The following CEP128 variants were observed in gnomAD, a reference collection of about 807,000 sequenced individuals.
The protein encoded by CEP128 is centrosomal protein 128kDa.
In CEP128, 132 loss-of-function variants were observed where a neutral mutation model predicts 156.7. The observed-to-expected ratio is 0.84, with a 90% confidence interval of 0.73 to 0.97. CEP128 has a LOEUF of 0.97. Ranked by LOEUF, CEP128 falls within the 50% of genes least tolerant of loss-of-function variation. The pLI is 0.00. For missense variants in CEP128, 1,252 were observed against 1,281.9 expected, an observed-to-expected ratio of 0.98 and a Z score of 0.36; for synonymous variants, 469 against 448.9, an observed-to-expected ratio of 1.04 and a Z score of -0.57.
chr14:80,724,380 ATAAT>A lies in CEP128; in HGVS notation c.2806+18691_2806+18694del, dbSNP rs1009783247. On this transcript the variant is annotated intron_variant, in intron 19 of 24. Transcript: ENST00000555265. ...TAGTTCAATACTTAATAATATAATA[ATAAT>A]TAATAATTTATCCAAATAGATACAT... Among the ~76,000 whole-genome samples, 117 of 152,198 alleles carry A rather than the reference ATAAT, an allele frequency of 7.7e-4. 1 individual carries two copies. The highest frequency in any genetic ancestry group is 2.6e-3 in the African/African-American group (108 of 41,560).
chr14:80,622,868 A>G, intron 19 of CEP128, among the ~76,000 whole-genome samples: 1 of 149,944 alleles, frequency 6.7e-6, no homozygotes, highest in African/African-American at 2.4e-5. Flanking sequence ...GTGGGACTGT[A>G]AACTAGTTCA....
chr14:80,822,143 C>G (rs1231902362), intron 13 of CEP128, among the ~76,000 whole-genome samples: 1 of 152,100 alleles, frequency 6.6e-6, no homozygotes, highest in Non-Finnish European at 1.5e-5. Context: ...CCGCCCCTGG[C>G]CCCTCCAAAT....
chr14:80,711,777 C>T (rs115934190), intron 19 of CEP128, among the ~76,000 whole-genome samples: 4,051 of 151,934 alleles, frequency 0.027, 183 homozygotes, highest in African/African-American at 0.092. Context: ...TACCATAATG[C>T]GATTATTGTT....
chr14:80,608,990 G>A (rs1892892514), intron 19 of CEP128, among the ~76,000 whole-genome samples: 1 of 152,222 alleles, frequency 6.6e-6, no homozygotes, highest in Admixed American at 6.5e-5. Flanking sequence ...TTGACTATAG[G>A]AATGCATATT....
intron 19 of CEP128, among the ~76,000 whole-genome samples, chr14:80,730,051 C>T (rs759193045): frequency 6.6e-6 from 1 of 152,044 alleles, no homozygotes; most frequent in Non-Finnish European, 1.5e-5. Flanking sequence ...TTGGAGTGTA[C>T]ACATTGAATA....
chr14:80,818,341 A>C (rs1884981113), intron 13 of CEP128, among the ~76,000 whole-genome samples: 1 of 152,236 alleles, frequency 6.6e-6, no homozygotes, highest in Non-Finnish European at 1.5e-5. Flanking sequence ...ATATCCAGCA[A>C]AACTATCCTT....
chr14:80,492,562 G>A (rs760738116), downstream of CEP128, among the ~76,000 whole-genome samples: 1 of 152,118 alleles, frequency 6.6e-6, no homozygotes, highest in African/African-American at 2.4e-5. Flanking sequence ...TGGGAGAGAT[G>A]AAATATTTCC....
At chr14:80,788,221 A>G (rs994034222) in intron 14 of CEP128, among the ~76,000 whole-genome samples, 5 of 151,340 alleles carry the variant, frequency 3.3e-5, no homozygotes, top group African/African-American at 1.2e-4. Context: ...AGGGCCCTCA[A>G]ATGAATAGCC....
chr14:80,764,146 G>C (rs1900106900), intron 16 of CEP128, among the ~76,000 whole-genome samples: 1 of 152,094 alleles, frequency 6.6e-6, no homozygotes, highest in Non-Finnish European at 1.5e-5. Flanking sequence ...ATATTCTTGA[G>C]AATGTTGATA....
At chr14:80,957,308 T>A (rs763739795) in intron 2 of CEP128, among the ~76,000 whole-genome samples, 20 of 152,118 alleles carry the variant, frequency 1.3e-4, no homozygotes, top group Non-Finnish European at 2.2e-4. Flanking sequence ...GTTCTCTGCA[T>A]GAACCTAACC....
chr14:80,490,000 T>C (rs902087704), downstream of CEP128, among the ~76,000 whole-genome samples: 4 of 152,134 alleles, frequency 2.6e-5, no homozygotes, highest in East Asian at 1.9e-4. Flanking sequence ...TGAAAATATT[T>C]AGACATTTTA....
chr14:80,808,749 C>T (rs1884333635), intron 13 of CEP128, among the ~76,000 whole-genome samples: 1 of 151,946 alleles, frequency 6.6e-6, no homozygotes, highest in African/African-American at 2.4e-5. Context: ...CAATGGATAC[C>T]ACTGACGCTG....
chr14:80,606,057 G>T (rs1393013197), intron 19 of CEP128, among the ~76,000 whole-genome samples: 2 of 151,798 alleles, frequency 1.3e-5, no homozygotes, highest in East Asian at 3.9e-4. Flanking sequence ...TGTTCCAATA[G>T]CAAATGGTTT....
At chr14:80,793,205 T>C in intron 13 of CEP128, 95 bp from the exon 14 acceptor site, 3 of 903,294 alleles carry the variant, frequency 3.3e-6, no homozygotes, top group East Asian at 4.9e-5. Context: ...GTCACTGAAG[T>C]GGAAATCATC....
At chr14:80,599,502 C>G (rs1199375414) in intron 19 of CEP128, among the ~76,000 whole-genome samples, 2 of 151,934 alleles carry the variant, frequency 1.3e-5, no homozygotes, top group Non-Finnish European at 2.9e-5. Flanking sequence ...GTCTCAATCT[C>G]CTGACCTCGT....
intron 19 of CEP128, among the ~76,000 whole-genome samples, chr14:80,648,493 GGTATACTTCATT>G (rs1894757758): frequency 6.6e-6 from 1 of 151,608 alleles, no homozygotes; most frequent in African/African-American, 2.4e-5. Flanking sequence ...GCCCTCCTTT[GGTATACTTCATT>G]TCTTTATTAA....
intron 19 of CEP128, among the ~76,000 whole-genome samples, chr14:80,671,539 C>T (rs1279105254): frequency 6.6e-6 from 1 of 152,170 alleles, no homozygotes; most frequent in African/African-American, 2.4e-5. Flanking sequence ...ATAACATAAA[C>T]TCATAGACTC....
intron 13 of CEP128, among the ~76,000 whole-genome samples, chr14:80,801,144 T>C (rs536661556): frequency 2.0e-5 from 3 of 152,180 alleles, no homozygotes; most frequent in Admixed American, 6.5e-5. Context: ...TTGGCTGAGA[T>C]GATGGGGTTT....
At chr14:80,602,518 T>A (rs1453600893) in intron 19 of CEP128, among the ~76,000 whole-genome samples, 1 of 151,912 alleles carries the variant, frequency 6.6e-6, no homozygotes, top group Non-Finnish European at 1.5e-5. Flanking sequence ...ATGCTTGTAA[T>A]CCCAGCACTT....
Sources: allele counts gnomAD v4.1 joint callset (sites outside exome capture counted in the v4.1 genomes callset), GRCh38; gene constraint gnomAD v4.1.1; transcripts MANE v1.5; gene names NCBI Gene and HGNC (gene_info 2026-07-23, HGNC 2026-07-21).